VTI1A: variants seen among roughly 807,000 people sequenced by gnomAD.
VTI1A encodes vesicle transport through interaction with t-SNAREs homolog 1A.
In VTI1A, 22 loss-of-function variants were observed where a neutral mutation model predicts 34.9. The ratio of observed to expected loss-of-function variants is 0.63; its 90% confidence interval spans 0.45 to 0.90. The LOEUF (loss-of-function observed/expected upper bound fraction) is 0.90, where lower values mean the gene tolerates loss of function less well. Among genes scored for constraint, VTI1A ranks in the 40% least tolerant of loss-of-function variants. VTI1A has a pLI of 0.00. For synonymous variants in VTI1A, 87 were observed against 97.3 expected (o/e 0.89, Z 0.62); for missense variants, 268 against 275.6 (o/e 0.97, Z 0.20).
At chr10:112,775,510 C>A (rs1020604914) in intron 7 of VTI1A, among the ~76,000 whole-genome samples, 1 of 152,202 alleles carries the variant, frequency 6.6e-6, no homozygotes, top group Non-Finnish European at 1.5e-5. Flanking sequence ...GTGTTTCTAT[C>A]ACCTAAAGCA....
chr10:112,543,777 T>C (rs1850960973), intron 5 of VTI1A, among the ~76,000 whole-genome samples: 2 of 152,254 alleles, frequency 1.3e-5, no homozygotes, highest in African/African-American at 4.8e-5. Context: ...TGAATGGTAT[T>C]GCCTAGGTTT....
chr10:112,578,641 G>A (rs998612605), intron 5 of VTI1A, among the ~76,000 whole-genome samples: 1 of 152,094 alleles, frequency 6.6e-6, no homozygotes, highest in African/African-American at 2.4e-5. Context: ...TAAGCTTTTT[G>A]TCATATTTGC....
At chr10:112,697,511 C>T (rs758258992) in intron 7 of VTI1A, among the ~76,000 whole-genome samples, 3 of 151,718 alleles carry the variant, frequency 2.0e-5, no homozygotes, top group African/African-American at 4.8e-5. Context: ...ATTCTCCTGC[C>T]TCAGCCTCCT....
At chr10:112,791,724 C>T (rs935077578) in intron 7 of VTI1A, among the ~76,000 whole-genome samples, 7 of 151,932 alleles carry the variant, frequency 4.6e-5, no homozygotes, top group African/African-American at 1.5e-4. Context: ...TTTTCTTCCC[C>T]CCACAGCACC....
downstream of VTI1A, among the ~76,000 whole-genome samples, chr10:112,819,116 C>T (rs12766378): frequency 0.18 from 27,560 of 152,140 alleles, 3,273 homozygotes; most frequent in Non-Finnish European, 0.26. Flanking sequence ...AATTTGCAAC[C>T]TGTTCAGCAG....
chr10:112,655,213 T>G (rs950166840), intron 5 of VTI1A, among the ~76,000 whole-genome samples: 2 of 152,232 alleles, frequency 1.3e-5, no homozygotes, highest in African/African-American at 4.8e-5. Context: ...AATCTGGCCC[T>G]TTCATTTATC....
intron 7 of VTI1A, among the ~76,000 whole-genome samples, chr10:112,690,168 G>A (rs186490637): frequency 1.7e-3 from 258 of 152,260 alleles, no homozygotes; most frequent in Admixed American, 2.8e-3. Flanking sequence ...ACCAGTAGAT[G>A]AATGTGTAAG....
At chr10:112,585,663 CTT>C (rs61436886) in intron 5 of VTI1A, among the ~76,000 whole-genome samples, 149 of 117,286 alleles carry the variant, frequency 1.3e-3, no homozygotes, top group African/African-American at 1.7e-3. Context: ...TTGTGGATTT[CTT>C]TTTTTTTTTT....
the VTI1A span, among the ~76,000 whole-genome samples, chr10:112,843,596 AC>A: frequency 6.6e-6 from 1 of 152,232 alleles, no homozygotes. Flanking sequence ...ATACGTTGTA[AC>A]CATCTATGTG....
At chr10:112,844,701 T>C in the VTI1A span, among the ~76,000 whole-genome samples, 532 of 152,236 alleles carry the variant, frequency 3.5e-3, 2 homozygotes, top group African/African-American at 0.011. Context: ...GCCTGGCGTG[T>C]AATCCTTTTT....
At chr10:112,487,890 T>C (rs1370113047) in intron 3 of VTI1A, among the ~76,000 whole-genome samples, 7 of 152,178 alleles carry the variant, frequency 4.6e-5, no homozygotes, top group Admixed American at 4.6e-4. Context: ...AGTTAATAGG[T>C]ATATTGGTAG....
chr10:112,506,667 T>C (rs909308782), intron 3 of VTI1A, among the ~76,000 whole-genome samples: 1 of 152,220 alleles, frequency 6.6e-6, no homozygotes, highest in Non-Finnish European at 1.5e-5. Flanking sequence ...AAAAGTCTTT[T>C]ATATTTACCC....
chr10:112,547,035 C>A (rs1250363532), intron 5 of VTI1A, among the ~76,000 whole-genome samples: 1 of 152,176 alleles, frequency 6.6e-6, no homozygotes, highest in Non-Finnish European at 1.5e-5. Flanking sequence ...AATCCCAGCA[C>A]TTCAAGAGGC....
At chr10:112,661,757 CTGT>C (rs1453433362) in intron 5 of VTI1A, among the ~76,000 whole-genome samples, 13 of 142,142 alleles carry the variant, frequency 9.1e-5, no homozygotes, top group Non-Finnish European at 1.8e-4. Context: ...TTTTTTTCTG[CTGT>C]TAAGTTTTTT....
intron 5 of VTI1A, among the ~76,000 whole-genome samples, chr10:112,632,413 A>G (rs1295379644): frequency 6.6e-6 from 1 of 152,244 alleles, no homozygotes; most frequent in African/African-American, 2.4e-5. Context: ...TGAAGGATAG[A>G]CAGGATTATG....
rs890715914 is a variant in VTI1A at position 112,818,226 on chromosome 10, G to A, written c.*2843G>A. On this transcript the variant is annotated 3_prime_UTR_variant, in exon 8 of 8. Coordinates refer to ENST00000393077, the MANE Select transcript of VTI1A (RefSeq NM_145206.4). ...AAATTAATGGTGAACAAAATTGTGCGGCTCTGGCCATCCCATGCGGGGCAA... is the reference window on the plus strand; with the variant it reads ...AAATTAATGGTGAACAAAATTGTGCAGCTCTGGCCATCCCATGCGGGGCAA... 2.1e-5 allele frequency: 5 copies of A among 233,138 alleles called. No homozygotes were observed. Among genetic ancestry groups the A allele is most frequent in the East Asian group, 6.0e-5 (1 of 16,552 alleles). The allele number at this position is 233,138 out of a possible 1,614,324, so 14.4% of individuals were successfully genotyped here.
chr10:112,734,930 C>G (rs537915348), intron 7 of VTI1A, among the ~76,000 whole-genome samples: 1 of 152,136 alleles, frequency 6.6e-6, no homozygotes, highest in South Asian at 2.1e-4. Context: ...CTGCGCCCAG[C>G]CCTCAATAAA....
intron 5 of VTI1A, among the ~76,000 whole-genome samples, chr10:112,642,720 CT>C (rs1226114119): frequency 6.6e-6 from 1 of 151,984 alleles, no homozygotes; most frequent in African/African-American, 2.4e-5. Context: ...TTGTTACAGT[CT>C]AATGGGGAGA....
intron 7 of VTI1A, among the ~76,000 whole-genome samples, chr10:112,711,524 C>T (rs575805943): frequency 2.6e-4 from 40 of 152,294 alleles, no homozygotes; most frequent in African/African-American, 9.4e-4. Flanking sequence ...CTCCCACATG[C>T]GCTGTCCCCG....
Sources: gnomAD v4.1 joint callset for allele counts (sites outside exome capture counted in the v4.1 genomes callset) on GRCh38, gnomAD v4.1.1 for gene constraint, MANE v1.5 for transcripts, NCBI Gene and HGNC (gene_info 2026-07-23, HGNC 2026-07-21) for gene names.